The following BCL7C variants were observed in gnomAD, a reference collection of about 807,000 sequenced individuals.
The protein encoded by BCL7C is BAF chromatin remodeling complex subunit BCL7C, also known as B-cell CLL/lymphoma 7 protein family member C.
A neutral mutation model predicts 26.2 loss-of-function variants in BCL7C; 8 were observed. The observed-to-expected ratio is 0.30, with a 90% CI of 0.18 to 0.55. The LOEUF (loss-of-function observed/expected upper bound fraction) is 0.55, where lower values mean the gene tolerates loss of function less well. BCL7C is among the 20% of genes least tolerant of loss of function. The pLI, the probability that BCL7C is intolerant of heterozygous loss-of-function variation, is 0.93. For missense variants in BCL7C, 262 were observed against 298.5 expected, an observed-to-expected ratio of 0.88 and a Z score of 0.90; for synonymous variants, 90 against 116.5, an observed-to-expected ratio of 0.77 and a Z score of 1.47.
chr16:30,839,205 A>T (rs879419040), intron 5 of BCL7C, among the ~76,000 whole-genome samples: 1 of 152,250 alleles, frequency 6.6e-6, no homozygotes, highest in Non-Finnish European at 1.5e-5. Flanking sequence ...CTAAGAATTT[A>T]TGAATGAGCC....
intron 5 of BCL7C, among the ~76,000 whole-genome samples, chr16:30,853,276 T>G (rs895788448): frequency 2.0e-5 from 3 of 152,154 alleles, no homozygotes; most frequent in Non-Finnish European, 2.9e-5. Flanking sequence ...TTCAATATTT[T>G]AAACTTTTTT....
intron 5 of BCL7C, chr16:30,840,778 G>T (rs767876374): frequency 3.9e-5 from 6 of 152,122 alleles, no homozygotes; most frequent in Admixed American, 6.6e-5. Flanking sequence ...TCACATGGTG[G>T]GAATAATAAG....
At chr16:30,856,448 A>AG (rs2054723009) in intron 5 of BCL7C, among the ~76,000 whole-genome samples, 1 of 151,508 alleles carries the variant, frequency 6.6e-6, no homozygotes, top group Non-Finnish European at 1.5e-5. Context: ...CTAAAAAAAA[A>AG]AAAAAAAAAA....
chr16:30,866,778 G>A (rs1349664125), intron 5 of BCL7C, among the ~76,000 whole-genome samples: 1 of 152,184 alleles, frequency 6.6e-6, no homozygotes, highest in South Asian at 2.1e-4. Flanking sequence ...GGTTTGCTGG[G>A]CGTGCCGTCT....
At chr16:30,854,498 C>A (rs1290796889) in intron 5 of BCL7C, among the ~76,000 whole-genome samples, 2 of 152,102 alleles carry the variant, frequency 1.3e-5, no homozygotes, top group Non-Finnish European at 2.9e-5. Flanking sequence ...GACTGTTATC[C>A]TGTTCTTCAA....
At chr16:30,839,685 A>G (rs2054590230) in intron 5 of BCL7C, among the ~76,000 whole-genome samples, 1 of 152,230 alleles carries the variant, frequency 6.6e-6, no homozygotes, top group South Asian at 2.1e-4. Flanking sequence ...TTGGCTAACA[A>G]CCTAAACGAG....
At chr16:30,850,196 C>T (rs1164091189) in intron 5 of BCL7C, among the ~76,000 whole-genome samples, 26 of 128,496 alleles carry the variant, frequency 2.0e-4, no homozygotes, top group African/African-American at 6.5e-4. Flanking sequence ...GGTGACTGAG[C>T]GAGACTCCAT....
chr16:30,834,892 G>T lies in BCL7C; in HGVS notation c.*56C>A. ...GCCCTCGGGGCACAGGTAGTGGCTGGATCTTGGGGCAGCCAAGGGAGGCTT... is the reference window on the plus strand; with the variant it reads ...GCCCTCGGGGCACAGGTAGTGGCTGTATCTTGGGGCAGCCAAGGGAGGCTT... On this transcript the variant is annotated 3_prime_UTR_variant, in exon 6 of 6. Transcript: ENST00000380317. This position sits in a 1 kb window ranked among gnomAD's most constrained non-coding sequence, Gnocchi z 4.3. 7.0e-7 allele frequency: 1 copy of T among 1,432,388 alleles called. No individual in the cohort carries two copies. Among genetic ancestry groups the T allele is most frequent in the Admixed American group, 2.8e-5 (1 of 36,036 alleles). 88.7% of individuals were successfully genotyped at this position (1,432,388 alleles called of 1,614,324 possible).
At chr16:30,876,974 G>A (rs67456613) in intron 5 of BCL7C, among the ~76,000 whole-genome samples, 35,267 of 152,118 alleles carry the variant, frequency 0.23, 4,925 homozygotes, top group South Asian at 0.68. Context: ...GATGACTAGA[G>A]CAGGGAGTGA....
At chr16:30,863,270 C>G (rs1433265552) in intron 5 of BCL7C, among the ~76,000 whole-genome samples, 2 of 152,212 alleles carry the variant, frequency 1.3e-5, no homozygotes, top group Admixed American at 1.3e-4. Context: ...ATTGAGGCCA[C>G]TGCTCTGCCC....
chr16:30,883,945 G>T (rs1166101339), downstream of BCL7C, among the ~76,000 whole-genome samples: 1 of 144,352 alleles, frequency 6.9e-6, no homozygotes, highest in Admixed American at 7.1e-5. Flanking sequence ...TTAACACGGT[G>T]AAACCCTGTC....
chr16:30,864,467 A>C (rs2054806429), intron 5 of BCL7C, among the ~76,000 whole-genome samples: 1 of 152,054 alleles, frequency 6.6e-6, no homozygotes, highest in Non-Finnish European at 1.5e-5. Context: ...TAACAACCCC[A>C]CAATATCACC....
chr16:30,869,396 A>C (rs2054863070), intron 5 of BCL7C, among the ~76,000 whole-genome samples: 1 of 151,546 alleles, frequency 6.6e-6, no homozygotes, highest in South Asian at 2.1e-4. Flanking sequence ...CTTTTTGTAG[A>C]GATGAGTTCT....
chr16:30,840,312 G>T (rs534539651), intron 5 of BCL7C, among the ~76,000 whole-genome samples: 1 of 149,288 alleles, frequency 6.7e-6, no homozygotes, highest in African/African-American at 2.5e-5. Context: ...CTGCCTCCCA[G>T]GTTCAAGCAA....
In BCL7C at chr16:30,838,963, G is replaced by GA. The variant is rs771092178; in HGVS notation, c.529-3816dup. 7.2e-5 allele frequency among the ~76,000 whole-genome samples: 11 copies of GA among 152,210 alleles called. No homozygotes were observed. In the East Asian group the frequency reaches 2.1e-3, roughly 29 times the overall value. ...ATGAAGAATGTCAGAAAGATTCTGGGAAAAAAATGTCTCTATGACAATAGC... is the reference window on the plus strand; with the variant it reads ...ATGAAGAATGTCAGAAAGATTCTGGGAAAAAAAATGTCTCTATGACAATAGC... On this transcript the variant is annotated intron_variant, in intron 5 of 5. Coordinates refer to the BCL7C transcript ENST00000380317.
intron 5 of BCL7C, among the ~76,000 whole-genome samples, chr16:30,879,916 G>A (rs1053008971): frequency 1.3e-5 from 2 of 151,640 alleles, no homozygotes; most frequent in Non-Finnish European, 2.9e-5. Context: ...CGTGAACCCG[G>A]GAGGCAGAGC....
intron 4 of BCL7C, among the ~76,000 whole-genome samples, chr16:30,889,607 A>C (rs2055193462): frequency 6.6e-6 from 1 of 152,050 alleles, no homozygotes. Context: ...CTCCTGCCTC[A>C]GCCTCCCTAA....
rs1488277760 is a variant in BCL7C, at chr16:30,893,149, G to C, written c.171+63C>G. On this transcript the variant is annotated intron_variant, in intron 2 of 5. Transcript: ENST00000215115. The surrounding 1 kb of genome is among the most constrained non-coding windows in gnomAD (Gnocchi z 5.2). ...CGGGGAGCTGGAGGTAGAGGTCAGC[G>C]TGGGGAGGAACTTGCCTGAGGTTGC... The C allele has an allele frequency of 1.3e-6, 2 of 1,535,060 alleles. No individual in the cohort carries two copies. The highest frequency in any genetic ancestry group is 2.7e-5 in the African/African-American group (2 of 73,302).
chr16:30,849,136 G>T (rs1217844299), intron 5 of BCL7C, among the ~76,000 whole-genome samples: 1 of 149,672 alleles, frequency 6.7e-6, no homozygotes, highest in Non-Finnish European at 1.5e-5. Context: ...TCAGTGAGCC[G>T]AGATTGAGCC....
Sources: allele counts gnomAD v4.1 joint callset (sites outside exome capture counted in the v4.1 genomes callset), GRCh38; gene constraint gnomAD v4.1.1; non-coding constraint Gnocchi (gnomAD v3.1); transcripts MANE v1.5; gene names NCBI Gene and HGNC (gene_info 2026-07-23, HGNC 2026-07-21).